Variants in UNC13A observed in about 807,000 individuals in gnomAD.
The protein encoded by UNC13A is protein unc-13 homolog A.
UNC13A carries 61 observed loss-of-function variants against 219.7 expected under a neutral mutation model. That is an observed-to-expected ratio of 0.28 (90% confidence interval 0.23 to 0.34). The LOEUF is 0.34. Among genes scored for constraint, UNC13A ranks in the 10% least tolerant of loss-of-function variants. The pLI, the probability that UNC13A is intolerant of heterozygous loss-of-function variation, is 1.00. For synonymous variants in UNC13A, 920 were observed against 884.6 expected (o/e 1.04, Z -0.71); for missense variants, 1,476 against 2,270.3 (o/e 0.65, Z 7.11).
At chr19:17,635,203 G>A (rs1315429461) in intron 26 of UNC13A, among the ~76,000 whole-genome samples, 1 of 151,900 alleles carries the variant, frequency 6.6e-6, no homozygotes, top group African/African-American at 2.4e-5. Flanking sequence ...GTTTCACCAT[G>A]TTGGCCAGGC....
chr19:17,646,269 G>GTGTTTGTTTGTTTGTT (rs3049772), intron 17 of UNC13A, among the ~76,000 whole-genome samples, 158 bp from the exon 18 acceptor site: 2 of 150,742 alleles, frequency 1.3e-5, no homozygotes, highest in Non-Finnish European at 3.0e-5. Context: ...GGTTTTTTGT[G>GTGTTTGTTTGTTTGTT]TGTTTGTTTG....
At chr19:17,680,895 T>TTTTTTTTTTTTTTTTTTTTTG (rs2080001156) in intron 1 of UNC13A, among the ~76,000 whole-genome samples, 1 of 98,616 alleles carries the variant, frequency 1.0e-5, no homozygotes, top group East Asian at 2.3e-4. Flanking sequence ...TTTTCTTTTT[T>TTTTTTTTTTTTTTTTTTTTTG]TTTTTTTTTT....
intron 41 of UNC13A, among the ~76,000 whole-genome samples, chr19:17,615,010 G>A (rs1057266017): frequency 1.3e-5 from 2 of 152,112 alleles, no homozygotes; most frequent in Admixed American, 6.5e-5. Flanking sequence ...CTGGCTTCGC[G>A]GGGAAGGGTC....
chr19:17,643,220 C>T (rs562756782), intron 19 of UNC13A, among the ~76,000 whole-genome samples: 1 of 152,282 alleles, frequency 6.6e-6, no homozygotes, highest in South Asian at 2.1e-4. Context: ...CCATGTTGGC[C>T]AGGCTGGTCT....
intron 4 of UNC13A, among the ~76,000 whole-genome samples, chr19:17,671,124 A>C (rs138122766): frequency 1.2e-3 from 175 of 152,094 alleles, no homozygotes; most frequent in Middle Eastern, 0.01. Context: ...CCCCAGCCCC[A>C]TGAGGTCATA....
intron 25 of UNC13A, among the ~76,000 whole-genome samples, chr19:17,637,299 A>AC (rs1252448572): frequency 7.3e-6 from 1 of 137,328 alleles, no homozygotes; most frequent in East Asian, 2.2e-4. Flanking sequence ...GTCAAGAACA[A>AC]TTTTTTTTTT....
Position 17,674,580 on chromosome 19 carries a change from C to T in UNC13A, c.152+77G>A. 2 of 1,344,228 alleles carry T rather than the reference C, an allele frequency of 1.5e-6. No individual in the cohort carries two copies. Among genetic ancestry groups the T allele is most frequent in the Non-Finnish European group, 2.1e-6 (2 of 945,142 alleles). 83.3% of individuals were successfully genotyped at this position (1,344,228 alleles called of 1,614,324 possible). ...GGAGTCACCCGGGATTCCCCAGTGT[C>T]CAGCTCTGCCCTGAGGGGCCAGCGA... On this transcript the variant is annotated intron_variant, in intron 3 of 43. Coordinates refer to ENST00000519716, the MANE Select transcript of UNC13A (RefSeq NM_001080421.3). The surrounding 1 kb of genome is among the most constrained non-coding windows in gnomAD (Gnocchi z 5.0).
At chr19:17,655,805 C>T (rs766827130) in intron 10 of UNC13A, 78 bp downstream of exon 10, 5 of 1,438,858 alleles carry the variant, frequency 3.5e-6, no homozygotes, top group Non-Finnish European at 4.5e-6. Context: ...TTCCCAGGTC[C>T]ACGCTGACCC....
chr19:17,683,815 G>A (rs758072076), intron 1 of UNC13A, among the ~76,000 whole-genome samples: 19 of 152,020 alleles, frequency 1.2e-4, no homozygotes, highest in East Asian at 9.7e-4. Flanking sequence ...TCAGTTGGGC[G>A]TGGTGGCTCA....
chr19:17,688,098 C>A, intron 1 of UNC13A, 80 bp downstream of exon 1: 1 of 1,483,222 alleles, frequency 6.7e-7, no homozygotes, highest in East Asian at 2.9e-5. Context: ...CCCAGGAACC[C>A]CCTGGGAGCC....
At chr19:17,633,812 T>C (rs368896823) in intron 26 of UNC13A, among the ~76,000 whole-genome samples, 1 of 151,454 alleles carries the variant, frequency 6.6e-6, no homozygotes, top group South Asian at 2.1e-4. Flanking sequence ...CATCTATCTG[T>C]TCATCCATCT....
At chr19:17,667,841 G>T (rs6512210) in intron 6 of UNC13A, among the ~76,000 whole-genome samples, 34,901 of 140,304 alleles carry the variant, frequency 0.25, 4,811 homozygotes, top group African/African-American at 0.39. Context: ...GGCTGGTCTT[G>T]AACTCCTGAC....
chr19:17,632,807 T>C lies in UNC13A; in HGVS notation c.3403A>G (p.Lys1135Glu). 6.2e-7 allele frequency: 1 copy of C among 1,613,928 alleles called. No individual in the cohort carries two copies. The highest frequency in any genetic ancestry group is 2.2e-5 in the East Asian group (1 of 44,876). ...GCAGGGTACTCAGGCACGCGGTCCT[T>C]GAAGGCGGGAAGTTCCGTCACATAC... ...NEYVTELPAFKDRVPEYPAWF... is the reference protein window; with the variant it reads ...NEYVTELPAFEDRVPEYPAWF... The change falls in exon 28 of 44, where the codon AAG (lysine) becomes GAG (glutamate). Residue 1135 changes from lysine to glutamate, a missense_variant. Physicochemically the swap from Lys to Glu is moderately conservative, Grantham distance 56 (BLOSUM62 1). Around this residue, in one of 14 missense-constraint regions of UNC13A, gnomAD observed 218 missense variants for 409.4 expected, o/e 0.53. Coordinates refer to ENST00000519716, the MANE Select transcript of UNC13A (RefSeq NM_001080421.3).
intron 43 of UNC13A, among the ~76,000 whole-genome samples, chr19:17,608,572 C>T (rs1449693626): frequency 2.0e-5 from 3 of 148,890 alleles, no homozygotes; most frequent in African/African-American, 5.0e-5. Context: ...GGCTGGAGTG[C>T]AGTGGTGCGA....
chr19:17,652,070 A>C (rs1244386663), intron 12 of UNC13A, among the ~76,000 whole-genome samples: 3 of 152,094 alleles, frequency 2.0e-5, no homozygotes, highest in Admixed American at 6.5e-5. Flanking sequence ...TATAGTGTAC[A>C]TTTCCCAATA....
At chr19:17,661,587 G>A (rs12983096) in intron 8 of UNC13A, among the ~76,000 whole-genome samples, 10,412 of 151,956 alleles carry the variant, frequency 0.069, 588 homozygotes, top group African/African-American at 0.15. Context: ...CCAACTACTC[G>A]GGAGGCTGAG....
intron 37 of UNC13A, among the ~76,000 whole-genome samples, chr19:17,621,219 C>T (rs539053580): frequency 9.2e-5 from 14 of 152,284 alleles, no homozygotes; most frequent in South Asian, 2.1e-4. Flanking sequence ...AAAACCCACA[C>T]ACCCTTCTTG....
intron 8 of UNC13A, among the ~76,000 whole-genome samples, chr19:17,663,045 T>C (rs2079579160): frequency 6.8e-6 from 1 of 146,216 alleles, no homozygotes; most frequent in Non-Finnish European, 1.5e-5. Flanking sequence ...ACCTGGGGGG[T>C]GCTGAGGTCC....
At chr19:17,606,492 C>T (rs2076532122) in intron 43 of UNC13A, 138 bp from the exon 44 acceptor site, 2 of 1,249,012 alleles carry the variant, frequency 1.6e-6, no homozygotes, top group Admixed American at 2.5e-5. Context: ...ACGCTAGCCC[C>T]GCCCCTGCCC....
Sources: allele counts gnomAD v4.1 joint callset (sites outside exome capture counted in the v4.1 genomes callset), GRCh38; gene constraint gnomAD v4.1.1; regional missense constraint gnomAD v4.1.1; non-coding constraint Gnocchi (gnomAD v3.1); transcripts MANE v1.5; gene names NCBI Gene and HGNC (gene_info 2026-07-23, HGNC 2026-07-21).